The following KCNIP4 variants were observed in gnomAD, a reference collection of about 807,000 sequenced individuals.
KCNIP4 encodes the protein Kv channel-interacting protein 4.
A neutral mutation model predicts 34.0 loss-of-function variants in KCNIP4; 12 were observed. The ratio of observed to expected loss-of-function variants is 0.35; its 90% CI spans 0.23 to 0.57. The LOEUF (loss-of-function observed/expected upper bound fraction) is 0.57. KCNIP4 is among the 20% of genes least tolerant of loss of function. KCNIP4 has a pLI of 0.83. For synonymous variants in KCNIP4, 124 were observed against 102.2 expected, an observed-to-expected ratio of 1.21 and a Z score of -1.29; for missense variants, 238 against 311.7, an observed-to-expected ratio of 0.76 and a Z score of 1.78.
chr4:21,138,091 C>T (rs1040269601), intron 1 of KCNIP4, among the ~76,000 whole-genome samples: 4 of 151,998 alleles, frequency 2.6e-5, no homozygotes, highest in Non-Finnish European at 4.4e-5. Flanking sequence ...AGGTTAGTCT[C>T]GAACTCGTGA....
chr4:20,890,321 T>C (rs564696072), intron 1 of KCNIP4, among the ~76,000 whole-genome samples: 67 of 152,282 alleles, frequency 4.4e-4, no homozygotes, highest in Admixed American at 3.7e-3. Context: ...GCCTAGAGAC[T>C]TCTGTTGGTG....
At chr4:21,792,681 G>A (rs1720374794) in intron 1 of KCNIP4, among the ~76,000 whole-genome samples, 1 of 152,180 alleles carries the variant, frequency 6.6e-6, no homozygotes, top group African/African-American at 2.4e-5. Flanking sequence ...CCAGCAGACA[G>A]AAAAGCCCAG....
intron 1 of KCNIP4, among the ~76,000 whole-genome samples, chr4:21,587,129 T>C (rs891826508): frequency 6.6e-6 from 1 of 152,060 alleles, no homozygotes; most frequent in African/African-American, 2.4e-5. Flanking sequence ...ACCATTGTTG[T>C]TTGTGTATAT....
chr4:21,917,087 C>T (rs975235918), intron 1 of KCNIP4, among the ~76,000 whole-genome samples: 6 of 152,114 alleles, frequency 3.9e-5, no homozygotes, highest in Non-Finnish European at 7.4e-5. Context: ...GTGATCATGT[C>T]ATTAATGATA....
intron 1 of KCNIP4, among the ~76,000 whole-genome samples, chr4:21,021,163 G>C (rs960056902): frequency 6.6e-6 from 1 of 152,172 alleles, no homozygotes; most frequent in African/African-American, 2.4e-5. Context: ...ACAATTTTAA[G>C]TATTTGTGTA....
chr4:21,905,606 G>A (rs1056710667), intron 1 of KCNIP4, among the ~76,000 whole-genome samples: 5 of 151,836 alleles, frequency 3.3e-5, no homozygotes, highest in African/African-American at 1.2e-4. Flanking sequence ...CTATCGCAAG[G>A]ACAAAAAACC....
intron 1 of KCNIP4, among the ~76,000 whole-genome samples, chr4:21,759,014 G>A: frequency 6.6e-6 from 1 of 152,012 alleles, no homozygotes; most frequent in East Asian, 1.9e-4. Flanking sequence ...ATGGGTTCTG[G>A]CAAAGAGCAA....
chr4:21,656,662 T>C (rs7666642), intron 1 of KCNIP4: 51,968 of 152,062 alleles, frequency 0.34, 10,363 homozygotes, highest in East Asian at 0.8. Context: ...TTATGCCACA[T>C]AGCTTTGTTG....
chr4:20,814,212 G>A (rs745919446), intron 3 of KCNIP4, among the ~76,000 whole-genome samples: 1 of 152,164 alleles, frequency 6.6e-6, no homozygotes, highest in Non-Finnish European at 1.5e-5. Flanking sequence ...CTTTTGATAA[G>A]ATGTCCAGAT....
chr4:20,788,757 C>T (rs1473668644), intron 3 of KCNIP4, among the ~76,000 whole-genome samples: 1 of 151,946 alleles, frequency 6.6e-6, no homozygotes, highest in Non-Finnish European at 1.5e-5. Context: ...AAAACATACC[C>T]CAAAGAATTC....
chr4:21,546,091 C>T (rs957704794), intron 1 of KCNIP4, among the ~76,000 whole-genome samples: 4 of 152,048 alleles, frequency 2.6e-5, no homozygotes, highest in African/African-American at 9.7e-5. Flanking sequence ...ATCAGGATCT[C>T]TTCTTGGATA....
chr4:21,550,073 T>A (rs1738444660), intron 1 of KCNIP4, among the ~76,000 whole-genome samples: 1 of 152,132 alleles, frequency 6.6e-6, no homozygotes, highest in South Asian at 2.1e-4. Flanking sequence ...TTCGTGCTGT[T>A]TTAGTGCATA....
intron 1 of KCNIP4, among the ~76,000 whole-genome samples, chr4:21,098,071 C>A (rs899135934): frequency 6.6e-6 from 1 of 152,094 alleles, no homozygotes; most frequent in Non-Finnish European, 1.5e-5. Context: ...TCAAACTAGC[C>A]ACGATATTCC....
chr4:21,300,921 T>C (rs541595717), intron 1 of KCNIP4, among the ~76,000 whole-genome samples: 7 of 152,144 alleles, frequency 4.6e-5, no homozygotes, highest in Non-Finnish European at 7.4e-5. Context: ...TTTAGAAAAC[T>C]AGAGAGGTAA....
At chr4:21,865,993 G>T (rs1443455344) in intron 1 of KCNIP4, among the ~76,000 whole-genome samples, 1 of 151,614 alleles carries the variant, frequency 6.6e-6, no homozygotes, top group Non-Finnish European at 1.5e-5. Flanking sequence ...TATCTATGAA[G>T]TGACTTTGAT....
chr4:21,445,403 A>C (rs1260468664), intron 1 of KCNIP4, among the ~76,000 whole-genome samples: 1 of 152,232 alleles, frequency 6.6e-6, no homozygotes, highest in Non-Finnish European at 1.5e-5. Flanking sequence ...CCAAAACAGC[A>C]TGGTACTGGT....
intron 5 of KCNIP4, among the ~76,000 whole-genome samples, chr4:20,738,167 A>T (rs1176317393): frequency 6.6e-6 from 1 of 152,148 alleles, no homozygotes; most frequent in Non-Finnish European, 1.5e-5. Flanking sequence ...TTCAGAAGGC[A>T]TAAAATATAC....
intron 1 of KCNIP4, among the ~76,000 whole-genome samples, chr4:21,719,236 C>T (rs918063862): frequency 5.9e-5 from 9 of 152,042 alleles, no homozygotes; most frequent in South Asian, 2.1e-4. Flanking sequence ...CAGAAAGAAA[C>T]CTAATTATAT....
At chr4:21,855,978 G>A (rs55958098) in intron 1 of KCNIP4, among the ~76,000 whole-genome samples, 65 of 152,130 alleles carry the variant, frequency 4.3e-4, no homozygotes, top group African/African-American at 1.6e-3. Flanking sequence ...GTTAAAATGA[G>A]AGTTTTTACT....
Sources: gnomAD v4.1 joint callset for allele counts (sites outside exome capture counted in the v4.1 genomes callset) on GRCh38, gnomAD v4.1.1 for gene constraint, MANE v1.5 for transcripts, NCBI Gene and HGNC (gene_info 2026-07-23, HGNC 2026-07-21) for gene names.